The following AKNA variants were observed in gnomAD, a reference collection of about 807,000 sequenced individuals.
The protein encoded by AKNA is AT-hook transcription factor.
AKNA carries 67 observed loss-of-function variants against 138.8 expected under a neutral mutation model. That is an observed-to-expected ratio of 0.48 (90% CI 0.40 to 0.59). The LOEUF is 0.59. Ranked by LOEUF, AKNA falls within the 20% of genes least tolerant of loss-of-function variation. The pLI, the probability that AKNA is intolerant of heterozygous loss-of-function variation, is 0.00. For missense variants in AKNA, 1,813 were observed against 1,880.4 expected (o/e 0.96, Z 0.66); for synonymous variants, 737 against 754.4 (o/e 0.98, Z 0.38).
chr9:114,361,681 A>G, intron 9 of AKNA, 23 bp downstream of exon 9: 1 of 1,611,984 alleles, frequency 6.2e-7, no homozygotes, highest in Non-Finnish European at 8.5e-7. Context: ...GGAACAGCCC[A>G]ATATGGTTGA....
At position 114,377,172 on chromosome 9, in the gene AKNA, C is replaced by T; in HGVS notation, c.635G>A (p.Ser212Asn). 1 of 1,614,186 alleles carries T rather than the reference C, an allele frequency of 6.2e-7. No homozygotes were observed. The highest frequency in any genetic ancestry group is 1.1e-5 in the South Asian group (1 of 91,088). Reference protein sequence around the residue: ...SSGTVSLDHPSDSLDSTWEGE... With the variant: ...SSGTVSLDHPNDSLDSTWEGE... The stretch of plus-strand genomic sequence containing the variant: ...TTCCCAGGTAGAATCAAGGCTGTCA[C>T]TAGGGTGGTCGAGGCTCACTGTCCC... Residue 212 changes from serine (S) to asparagine (N), a missense_variant, in exon 3 of 22, where the codon AGT becomes AAT. Transcript: ENST00000374088.
intron 21 of AKNA, among the ~76,000 whole-genome samples, chr9:114,340,424 T>C (rs1830265404): frequency 6.6e-6 from 1 of 152,164 alleles, no homozygotes; most frequent in South Asian, 2.1e-4. Context: ...CTTTTACTCC[T>C]TCTTCTTCCT....
chr9:114,367,480 C>G, intron 6 of AKNA, 63 bp downstream of exon 6: 1 of 1,578,552 alleles, frequency 6.3e-7, no homozygotes, highest in Non-Finnish European at 8.6e-7. Context: ...CCCAAGCAGG[C>G]AGAGGTTCTG....
At chr9:114,347,953 T>C (rs1268624052) in intron 15 of AKNA, 53 bp from the exon 16 acceptor site, 2 of 1,529,306 alleles carry the variant, frequency 1.3e-6, no homozygotes, top group African/African-American at 2.8e-5. Flanking sequence ...GGAACAGAGC[T>C]GCAGCCACCC....
At chr9:114,385,130 A>C (rs1283729002) in intron 1 of AKNA, among the ~76,000 whole-genome samples, 2 of 152,312 alleles carry the variant, frequency 1.3e-5, no homozygotes, top group African/African-American at 4.8e-5. Context: ...CTGGGATTAC[A>C]AGCATGAGCC....
chr9:114,347,734 G>T lies in AKNA; in HGVS notation c.3388C>A (p.His1130Asn). ...TTTGAGGTCACCCACCTGCCATAATGGGAGCCCCAGGTGGCTGGGGAGTCT... is the reference window on the plus strand; with the variant it reads ...TTTGAGGTCACCCACCTGCCATAATTGGAGCCCCAGGTGGCTGGGGAGTCT... Reference protein sequence around the residue: ...PADSPATWGSHYGSKSTERLP... With the variant: ...PADSPATWGSNYGSKSTERLP... The change falls in exon 16 of 22, where the codon CAT becomes AAT. Residue 1130 changes from histidine to asparagine, a missense_variant. By Grantham distance (68) the His-to-Asn change is moderately conservative (BLOSUM62 1). Coordinates refer to ENST00000374088, the MANE Select transcript of AKNA (RefSeq NM_001317950.2). 1.3e-6 allele frequency: 2 copies of T among 1,530,020 alleles called. No homozygotes were observed. Among genetic ancestry groups the T allele is most frequent in the Non-Finnish European group, 1.8e-6 (2 of 1,137,584 alleles). 94.8% of individuals were successfully genotyped at this position (1,530,020 alleles called of 1,614,324 possible).
At chr9:114,381,667 T>TTG (rs1402364418) in intron 1 of AKNA, among the ~76,000 whole-genome samples, 1 of 138,154 alleles carries the variant, frequency 7.2e-6, no homozygotes, top group South Asian at 2.5e-4. Context: ...TTTTTTTTTT[T>TTG]TTTTTTTTTT....
chr9:114,393,011 G>T (rs1370752735), intron 1 of AKNA, among the ~76,000 whole-genome samples: 7 of 152,126 alleles, frequency 4.6e-5, no homozygotes, highest in Non-Finnish European at 1.0e-4. Flanking sequence ...AACCGTGCAC[G>T]TGCCAGGAAG....
Position 114,367,711 on chromosome 9 carries a change from C to G in AKNA, c.1574-14G>C. 6.5e-7 allele frequency: 1 copy of G among 1,537,750 alleles called. No individual in the cohort carries two copies. The highest frequency in any genetic ancestry group is 1.4e-5 in the African/African-American group (1 of 72,342). ...CTGATGGCCACCCTGGAATACACAA[C>G]TGCTGAAAGCTGGGGCCAAGAACAG... On this transcript the variant is annotated splice_polypyrimidine_tract_variant and intron_variant, in intron 5 of 21. Transcript: ENST00000374088.
chr9:114,387,181 C>G (rs1251661304), intron 1 of AKNA, among the ~76,000 whole-genome samples: 1 of 152,196 alleles, frequency 6.6e-6, no homozygotes, highest in African/African-American at 2.4e-5. Flanking sequence ...ACCATACCCC[C>G]ACCCACCTGC....
At chr9:114,346,138 G>T in intron 17 of AKNA, 129 bp from the exon 18 acceptor site, 2 of 925,620 alleles carry the variant, frequency 2.2e-6, no homozygotes, top group South Asian at 3.3e-5. Flanking sequence ...TCCCCCTTAG[G>T]AGTAACAGCT....
At chr9:114,354,649 C>A (rs1831358507) in intron 14 of AKNA, among the ~76,000 whole-genome samples, 1 of 147,066 alleles carries the variant, frequency 6.8e-6, no homozygotes, top group Admixed American at 6.8e-5. Flanking sequence ...GGAGGCAGAG[C>A]TTGCAGTGAG....
upstream of AKNA, chr9:114,388,132 G>T: frequency 3.8e-6 from 1 of 263,618 alleles, no homozygotes. Flanking sequence ...TGCGTGCAGA[G>T]CAAGAGCTGG....
chr9:114,362,350 G>A (rs1405963200), intron 8 of AKNA, 56 bp downstream of exon 8: 48 of 1,547,482 alleles, frequency 3.1e-5, no homozygotes, highest in Admixed American at 8.1e-5. Flanking sequence ...TGGAGACTGA[G>A]GGACCCCAGG....
At chr9:114,354,043 C>T (rs997837392) in intron 14 of AKNA, among the ~76,000 whole-genome samples, 24 of 152,180 alleles carry the variant, frequency 1.6e-4, no homozygotes, top group African/African-American at 5.5e-4. Flanking sequence ...TCAAGTTTAA[C>T]TTACAGTAAC....
intron 21 of AKNA, 123 bp from the exon 22 acceptor site, chr9:114,337,429 G>T: frequency 9.6e-7 from 1 of 1,040,284 alleles, no homozygotes; most frequent in Non-Finnish European, 1.3e-6. Context: ...TACTCTCTGG[G>T]TCTCAGTTTC....
At chr9:114,390,729 C>T (rs71505507), upstream of AKNA, among the ~76,000 whole-genome samples, 1 of 152,234 alleles carries the variant, frequency 6.6e-6, no homozygotes, top group Non-Finnish European at 1.5e-5. Flanking sequence ...CCACCACCCT[C>T]TCTGCCCTTG....
At chr9:114,372,333 T>A (rs1173532986) in intron 4 of AKNA, among the ~76,000 whole-genome samples, 1 of 151,674 alleles carries the variant, frequency 6.6e-6, no homozygotes, top group Admixed American at 6.6e-5. Context: ...TGACTACACA[T>A]GGGGGGGACC....
intron 6 of AKNA, among the ~76,000 whole-genome samples, chr9:114,366,028 C>T (rs746920162): frequency 6.6e-6 from 1 of 152,206 alleles, no homozygotes; most frequent in Admixed American, 6.5e-5. Context: ...CCTGTAATCC[C>T]AGCACTTTGG....
Sources: allele counts gnomAD v4.1 joint callset (sites outside exome capture counted in the v4.1 genomes callset), GRCh38; gene constraint gnomAD v4.1.1; transcripts MANE v1.5; gene names NCBI Gene and HGNC (gene_info 2026-07-23, HGNC 2026-07-21).